Variants in SFXN5 observed in about 807,000 individuals in gnomAD.
SFXN5 encodes sideroflexin 5.
In SFXN5, 43 loss-of-function variants were observed where a neutral mutation model predicts 50.2. That is an observed-to-expected ratio of 0.86 (90% CI 0.67 to 1.11). SFXN5 has a LOEUF of 1.11. Ranked by LOEUF, SFXN5 falls within the 50% of genes least tolerant of loss-of-function variation. The probability of loss-of-function intolerance (pLI) is 0.00; values close to 1 mark genes in which losing one functional copy is unlikely to be tolerated. For missense variants in SFXN5, 463 were observed against 454.1 expected, an observed-to-expected ratio of 1.02 and a Z score of -0.18; for synonymous variants, 203 against 185.8, an observed-to-expected ratio of 1.09 and a Z score of -0.75.
intron 3 of SFXN5, among the ~76,000 whole-genome samples, chr2:73,031,529 T>C (rs766550960): frequency 1.3e-5 from 2 of 152,234 alleles, no homozygotes; most frequent in Admixed American, 6.5e-5. Flanking sequence ...CTAGTACCAC[T>C]TTAACTAATA....
chr2:73,016,865 T>TACATATCGTAA (rs1676229872), intron 6 of SFXN5, among the ~76,000 whole-genome samples: 1 of 152,196 alleles, frequency 6.6e-6, no homozygotes, highest in Non-Finnish European at 1.5e-5. Context: ...ATGGGCATTT[T>TACATATCGTAA]GTTGACATGA....
intron 6 of SFXN5, among the ~76,000 whole-genome samples, chr2:73,005,999 C>T (rs1465735387): frequency 6.6e-6 from 1 of 152,142 alleles, no homozygotes; most frequent in Admixed American, 6.5e-5. Flanking sequence ...GGCCTCATCA[C>T]AGAAGGAATT....
Position 72,945,210 on chromosome 2 carries a change from C to T in SFXN5, c.946-111G>A, listed in dbSNP as rs944865153. ...GCCCCAGAGCTCTGCCCCCTGCACC[C>T]CCGTGTCCACCCCAGCCAGGGCTCA... On this transcript the variant is annotated intron_variant, in intron 13 of 13. Coordinates refer to ENST00000272433, the MANE Select transcript of SFXN5 (RefSeq NM_144579.3). This position sits in a 1 kb window ranked among gnomAD's most constrained non-coding sequence, Gnocchi z 5.8. 4.3e-6 allele frequency: 4 copies of T among 932,968 alleles called. No individual in the cohort carries two copies. The highest frequency in any genetic ancestry group is 6.7e-6 in the Non-Finnish European group (4 of 596,578). 57.8% of individuals were successfully genotyped at this position (932,968 alleles called of 1,614,324 possible). A position where few individuals can be genotyped will look rare whatever the true frequency, so the allele number is the denominator to read the frequency against.
At chr2:72,987,377 G>A (rs1672043871) in intron 10 of SFXN5, among the ~76,000 whole-genome samples, 1 of 151,836 alleles carries the variant, frequency 6.6e-6, no homozygotes, top group Non-Finnish European at 1.5e-5. Flanking sequence ...CAAAGTGCTG[G>A]GATTACAGGC....
chr2:73,062,661 G>C (rs1682899741), intron 1 of SFXN5, among the ~76,000 whole-genome samples: 1 of 152,136 alleles, frequency 6.6e-6, no homozygotes, highest in Non-Finnish European at 1.5e-5. Flanking sequence ...GACACCAAAT[G>C]AACAAGCCCT....
At chr2:72,981,138 C>T (rs1671257685) in intron 10 of SFXN5, 1 of 152,160 alleles carries the variant, frequency 6.6e-6, no homozygotes, top group Non-Finnish European at 1.5e-5. Flanking sequence ...GCAGCTCATT[C>T]CAATAACAGG....
intron 2 of SFXN5, chr2:73,041,563 G>A: frequency 2.8e-6 from 1 of 359,094 alleles, no homozygotes; most frequent in Non-Finnish European, 5.6e-6. Flanking sequence ...GGTGGTGCAT[G>A]CCTGTAATCC....
chr2:73,060,765 G>C (rs1039277713), intron 1 of SFXN5, among the ~76,000 whole-genome samples: 2 of 149,386 alleles, frequency 1.3e-5, no homozygotes, highest in Non-Finnish European at 3.0e-5. Context: ...GCAGTGGCAC[G>C]ATCTCAGCTC....
At chr2:73,028,095 T>C (rs1677821119) in intron 3 of SFXN5, among the ~76,000 whole-genome samples, 2 of 152,178 alleles carry the variant, frequency 1.3e-5, no homozygotes, top group African/African-American at 4.8e-5. Context: ...CTAGGAGCAA[T>C]AGGCTATACC....
In SFXN5 at chr2:72,998,968, A is replaced by C; in HGVS notation, c.515T>G (p.Ile172Ser). 1 of 1,614,132 alleles carries C rather than the reference A, an allele frequency of 6.2e-7. No homozygotes were observed. The highest frequency in any genetic ancestry group is 1.3e-5 in the African/African-American group (1 of 75,080). ...ACTCACAGCAATGGAGACGGCGCTG[A>C]TGACAGCTCCCAGGTATCCCTGGAT... ...KFIQGYLGAV[I>S]SAVSIAVGLN... Residue 172 changes from isoleucine (I) to serine (S), a missense_variant, in exon 9 of 14, where the codon ATC becomes AGC. By Grantham distance (142) the Ile-to-Ser change is moderately radical. Transcript: ENST00000272433.
intron 3 of SFXN5, among the ~76,000 whole-genome samples, chr2:73,025,062 A>G (rs1213624064): frequency 6.6e-6 from 1 of 152,102 alleles, no homozygotes; most frequent in Admixed American, 6.6e-5. Flanking sequence ...AACAGAGGGG[A>G]CTGATGAGTG....
intron 12 of SFXN5, among the ~76,000 whole-genome samples, chr2:72,962,650 C>T (rs775981399): frequency 1.4e-4 from 22 of 152,182 alleles, no homozygotes; most frequent in Non-Finnish European, 1.8e-4. Flanking sequence ...ATAAAGATCC[C>T]ATTACTTGCA....
intron 8 of SFXN5, among the ~76,000 whole-genome samples, chr2:73,000,159 C>G (rs1257955928): frequency 6.6e-6 from 1 of 152,244 alleles, no homozygotes; most frequent in Non-Finnish European, 1.5e-5. Flanking sequence ...GAACTCATCC[C>G]TTGCACTGCT....
At chr2:72,947,768 T>C (rs1442268044) in intron 13 of SFXN5, among the ~76,000 whole-genome samples, 1 of 152,046 alleles carries the variant, frequency 6.6e-6, no homozygotes, top group East Asian at 1.9e-4. Context: ...AGAGCCAGGC[T>C]GAGGGCCCAG....
chr2:72,950,339 T>C lies in SFXN5; in HGVS notation c.946-5240A>G, dbSNP rs1672398627. 1.3e-5 allele frequency among the ~76,000 whole-genome samples: 2 copies of C among 152,186 alleles called. No individual in the cohort carries two copies. Among genetic ancestry groups the C allele is most frequent in the African/African-American group, 4.8e-5 (2 of 41,434 alleles). ...TGGCAACTGGATTTCAGTGACTGCC[T>C]GGGGTCCACATTGTCCGACCCCCAC... On this transcript the variant is annotated intron_variant, in intron 13 of 13. Transcript: ENST00000272433. This position sits in a 1 kb window ranked among gnomAD's most constrained non-coding sequence, Gnocchi z 4.2.
At chr2:73,019,414 TTTTC>T (rs1676552178) in intron 6 of SFXN5, 2 of 150,598 alleles carry the variant, frequency 1.3e-5, no homozygotes, top group Admixed American at 1.3e-4. Flanking sequence ...ATATGCTTGC[TTTTC>T]TTTTTTTTTT....
At chr2:73,043,176 A>G (rs867409645) in intron 2 of SFXN5, among the ~76,000 whole-genome samples, 1 of 152,382 alleles carries the variant, frequency 6.6e-6, no homozygotes, top group Middle Eastern at 3.4e-3. Flanking sequence ...CCAGACACCA[A>G]GGAAGCCCAG....
chr2:73,012,006 C>T (rs10166058), intron 6 of SFXN5, among the ~76,000 whole-genome samples: 40,274 of 152,052 alleles, frequency 0.26, 5,682 homozygotes, highest in East Asian at 0.5. Flanking sequence ...GAGAGGGTGC[C>T]ATTCAGCAGA....
intron 13 of SFXN5, among the ~76,000 whole-genome samples, chr2:72,951,324 T>A (rs1027582730): frequency 6.6e-6 from 1 of 151,620 alleles, no homozygotes; most frequent in African/African-American, 2.4e-5. Flanking sequence ...CCAGGAGATA[T>A]CCCCAGACAT....
Sources: allele counts gnomAD v4.1 joint callset (sites outside exome capture counted in the v4.1 genomes callset), GRCh38; gene constraint gnomAD v4.1.1; non-coding constraint Gnocchi (gnomAD v3.1); transcripts MANE v1.5; gene names NCBI Gene and HGNC (gene_info 2026-07-23, HGNC 2026-07-21).